The following AIF1L variants were observed in gnomAD, a reference collection of about 807,000 sequenced individuals.
The protein encoded by AIF1L is allograft inflammatory factor 1 like.
A neutral mutation model predicts 20.7 loss-of-function variants in AIF1L; 12 were observed. The observed-to-expected ratio is 0.58, with a 90% CI of 0.37 to 0.94. The LOEUF (loss-of-function observed/expected upper bound fraction) is 0.94, where lower values mean the gene tolerates loss of function less well. Among genes scored for constraint, AIF1L ranks in the 40% least tolerant of loss-of-function variants. AIF1L has a pLI of 0.01. For missense variants in AIF1L, 173 were observed against 185.3 expected, an observed-to-expected ratio of 0.93 and a Z score of 0.39; for synonymous variants, 76 against 65.1, an observed-to-expected ratio of 1.17 and a Z score of -0.81.
At chr9:131,103,076 C>T in intron 2 of AIF1L, 1 of 445,662 alleles carries the variant, frequency 2.2e-6, no homozygotes, top group South Asian at 1.6e-5. Context: ...CTGCCAGCTT[C>T]TGATGGGTTT....
At chr9:131,110,995 G>A (rs1830866611) in intron 2 of AIF1L, among the ~76,000 whole-genome samples, 1 of 150,696 alleles carries the variant, frequency 6.6e-6, no homozygotes, top group South Asian at 2.1e-4. Flanking sequence ...GGCCAACATG[G>A]TGAAACCCCG....
chr9:131,112,545 C>A (rs1830915281), intron 3 of AIF1L: 2 of 152,276 alleles, frequency 1.3e-5, no homozygotes, highest in Admixed American at 6.5e-5. Flanking sequence ...CCCACATCAC[C>A]CCAATCGGCC....
At position 131,117,789 on chromosome 9, in the gene AIF1L, T is replaced by C. The variant is rs748107649; in HGVS notation, c.236T>C (p.Leu79Pro). The change falls in exon 5 of 6, where the codon CTT becomes CCT. Residue 79 changes from leucine to proline, a missense_variant. Coordinates refer to ENST00000247291, the MANE Select transcript of AIF1L (RefSeq NM_031426.4). ...TCTTTAAAGAGGATGATGGAGAAGC[T>C]TGGTGTCCCCAAGACCCACCTGGAG... ...LMSLKRMMEK[L>P]GVPKTHLEMK... 9 of 1,613,674 alleles carry C rather than the reference T, an allele frequency of 5.6e-6. No homozygotes were observed. Among genetic ancestry groups the C allele is most frequent in the Non-Finnish European group, 7.6e-6 (9 of 1,179,908 alleles).
intron 2 of AIF1L, among the ~76,000 whole-genome samples, chr9:131,099,654 C>T (rs1830595524): frequency 6.6e-6 from 1 of 152,076 alleles, no homozygotes; most frequent in Admixed American, 6.5e-5. Flanking sequence ...TGGGCCGATA[C>T]CTAGTTCCCT....
chr9:131,104,881 G>C (rs928541310), intron 2 of AIF1L, among the ~76,000 whole-genome samples: 2 of 147,706 alleles, frequency 1.4e-5, no homozygotes, highest in African/African-American at 5.0e-5. Flanking sequence ...CTGGGCAACA[G>C]AGCGAGACTC....
chr9:131,107,899 G>A (rs535686543), intron 2 of AIF1L: 1 of 152,378 alleles, frequency 6.6e-6, no homozygotes, highest in South Asian at 2.1e-4. Flanking sequence ...TTTGGGCAGA[G>A]GATGGGGTGA....
intron 3 of AIF1L, chr9:131,112,011 G>C (rs139350419): frequency 1.2e-4 from 34 of 284,242 alleles, no homozygotes; most frequent in African/African-American, 7.2e-4. Flanking sequence ...CTCTTTGTGA[G>C]CAAGCCTTGC....
Position 131,120,267 on chromosome 9 carries a change from G to A in AIF1L, c.398G>A (p.Ser133Asn), listed in dbSNP as rs760118169. ...VMMFEGKANE[S>N]SPKPVGPPPE... Reference sequence around the variant, plus strand: ...ATGTTTGAAGGAAAAGCCAACGAGAGCAGCCCCAAGCCAGTTGGCCCCCCT... The same window carrying A: ...ATGTTTGAAGGAAAAGCCAACGAGAACAGCCCCAAGCCAGTTGGCCCCCCT... The change falls in exon 6 of 6, where the codon AGC (serine) becomes AAC (asparagine). Residue 133 changes from serine to asparagine, a missense_variant. By Grantham distance (46) the Ser-to-Asn change is conservative. Transcript: ENST00000247291. The A allele has an allele frequency of 6.2e-7, 1 of 1,613,662 alleles. No individual in the cohort carries two copies. Among genetic ancestry groups the A allele is most frequent in the African/African-American group, 1.3e-5 (1 of 74,818 alleles).
intron 2 of AIF1L, among the ~76,000 whole-genome samples, chr9:131,099,946 C>T (rs1003617856): frequency 3.9e-5 from 6 of 152,026 alleles, no homozygotes; most frequent in Non-Finnish European, 7.4e-5. Context: ...AGGCTGGTCT[C>T]GAACTCCTGA....
chr9:131,106,360 C>A, intron 2 of AIF1L: 1 of 932,760 alleles, frequency 1.1e-6, no homozygotes, highest in Non-Finnish European at 1.7e-6. Flanking sequence ...GCCGGGGAGG[C>A]AGAGAGGGTG....
chr9:131,108,200 CTTTTTTTTTTTTT>C (rs34881697), intron 2 of AIF1L: 1 of 116,088 alleles, frequency 8.6e-6, no homozygotes, highest in Non-Finnish European at 1.7e-5. Context: ...GTCTGTGAAC[CTTTTTTTTTTTTT>C]TTTTTTTTTT....
intron 3 of AIF1L, 82 bp downstream of exon 3, chr9:131,111,745 C>A: frequency 7.4e-7 from 1 of 1,346,818 alleles, no homozygotes; most frequent in Non-Finnish European, 1.1e-6. Context: ...ACCCCTCAGC[C>A]CCACAGGACT....
At chr9:131,118,886 G>C (rs1347009480) in intron 5 of AIF1L, among the ~76,000 whole-genome samples, 1 of 152,098 alleles carries the variant, frequency 6.6e-6, no homozygotes, top group African/African-American at 2.4e-5. Flanking sequence ...ACCCCCACAG[G>C]CTTGTAAGCA....
chr9:131,115,842 C>G (rs1239420798), intron 4 of AIF1L, among the ~76,000 whole-genome samples: 6 of 151,796 alleles, frequency 4.0e-5, no homozygotes, highest in Admixed American at 3.3e-4. Context: ...GGCATGGTGG[C>G]AGATGCCTGT....
intron 4 of AIF1L, among the ~76,000 whole-genome samples, 157 bp from the exon 5 acceptor site, chr9:131,117,599 A>G (rs1831042857): frequency 6.6e-6 from 1 of 152,088 alleles, no homozygotes; most frequent in African/African-American, 2.4e-5. Flanking sequence ...ACGGCCTCCA[A>G]AGAGAGCAGG....
chr9:131,111,952 G>A (rs980855017), intron 3 of AIF1L: 15 of 452,702 alleles, frequency 3.3e-5, no homozygotes, highest in Admixed American at 1.5e-4. Flanking sequence ...GCTGGTTCCC[G>A]TCCGCCGCTG....
intron 2 of AIF1L, among the ~76,000 whole-genome samples, chr9:131,107,017 C>A (rs912460089): frequency 6.6e-6 from 1 of 152,012 alleles, no homozygotes; most frequent in Non-Finnish European, 1.5e-5. Context: ...TGCTTGAACT[C>A]GGGAGGGGGA....
At chr9:131,117,422 A>G (rs1027753761) in intron 4 of AIF1L, among the ~76,000 whole-genome samples, 1 of 152,166 alleles carries the variant, frequency 6.6e-6, no homozygotes, top group Admixed American at 6.5e-5. Flanking sequence ...TGCTTCCTGC[A>G]CAGAGATCCC....
intron 2 of AIF1L, among the ~76,000 whole-genome samples, chr9:131,100,573 C>G (rs1474008755): frequency 6.6e-6 from 1 of 152,208 alleles, no homozygotes; most frequent in Non-Finnish European, 1.5e-5. Context: ...ACCCCCAGCT[C>G]CATTTGCTGT....
Sources: gnomAD v4.1 joint callset for allele counts (sites outside exome capture counted in the v4.1 genomes callset) on GRCh38, gnomAD v4.1.1 for gene constraint, MANE v1.5 for transcripts, NCBI Gene and HGNC (gene_info 2026-07-23, HGNC 2026-07-21) for gene names.